Variants in STMN4 observed in about 807,000 individuals in gnomAD.
The protein encoded by STMN4 is stathmin-4.
STMN4 carries 12 observed loss-of-function variants against 29.1 expected under a neutral mutation model. The observed-to-expected ratio is 0.41, with a 90% CI of 0.26 to 0.67. The LOEUF (loss-of-function observed/expected upper bound fraction) is 0.67. Ranked by LOEUF, STMN4 falls within the 30% of genes least tolerant of loss-of-function variation. STMN4 has a pLI of 0.30. For synonymous variants in STMN4, 114 were observed against 105.3 expected (o/e 1.08, Z -0.51); for missense variants, 181 against 262.8 (o/e 0.69, Z 2.15).
intron 4 of STMN4, 28 bp from the exon 5 acceptor site, chr8:27,241,290 A>C: frequency 1.9e-6 from 3 of 1,613,540 alleles, no homozygotes; most frequent in Non-Finnish European, 1.7e-6. Context: ...GGGGCTGCTC[A>C]CGTCCTGAAG....
At chr8:27,253,731 A>AT (rs371945464) in intron 1 of STMN4, among the ~76,000 whole-genome samples, 9,271 of 147,728 alleles carry the variant, frequency 0.063, 389 homozygotes, top group Non-Finnish European at 0.092. Flanking sequence ...CTTTAATTTG[A>AT]TTTTTTTTTT....
chr8:27,241,541 A>T, intron 4 of STMN4, 136 bp downstream of exon 4: 1 of 1,137,546 alleles, frequency 8.8e-7, no homozygotes, highest in Non-Finnish European at 1.3e-6. Context: ...TTCCCCCACC[A>T]GCCTCCTCTG....
chr8:27,239,376 A>G, intron 6 of STMN4: 1 of 1,380,390 alleles, frequency 7.2e-7, no homozygotes, highest in Non-Finnish European at 9.8e-7. Flanking sequence ...TGTTCTCAGC[A>G]GAACGGGCCG....
Position 27,255,344 on chromosome 8 carries a change from C to A in STMN4, c.-79+3007G>T, listed in dbSNP as rs910066597. Among the ~76,000 whole-genome samples, 13 of 152,288 alleles carry A rather than the reference C, an allele frequency of 8.5e-5. 1 individual carries two copies. Among genetic ancestry groups the A allele is most frequent in the Admixed American group, 8.5e-4 (13 of 15,292 alleles). On this transcript the variant is annotated intron_variant, in intron 1 of 6. Transcript: ENST00000350889. Reference sequence around the variant, plus strand: ...CCACAAAAGCAGTTTCATTTCTCCCCATCTGTGTCTTCAAAATCTCCGGGA... The same window carrying A: ...CCACAAAAGCAGTTTCATTTCTCCCAATCTGTGTCTTCAAAATCTCCGGGA...
At chr8:27,241,780 G>A (rs781209033) in intron 3 of STMN4, 23 bp from the exon 4 acceptor site, 72 of 1,613,834 alleles carry the variant, frequency 4.5e-5, no homozygotes, top group Admixed American at 3.3e-5. Flanking sequence ...AACAACCTCA[G>A]GTCATCCGAG....
intron 2 of STMN4, among the ~76,000 whole-genome samples, chr8:27,243,090 A>G (rs955661258): frequency 2.0e-5 from 3 of 152,070 alleles, no homozygotes; most frequent in Non-Finnish European, 4.4e-5. Context: ...CCTCTAGTCT[A>G]TCTGTGTTTG....
chr8:27,242,302 A>C, intron 3 of STMN4, 95 bp downstream of exon 3: 9 of 1,206,184 alleles, frequency 7.5e-6, no homozygotes, highest in Non-Finnish European at 9.7e-6. Context: ...TCTCGGGAGG[A>C]GAGATTCACG....
chr8:27,249,397 C>A (rs944164361), intron 1 of STMN4, among the ~76,000 whole-genome samples: 1 of 152,174 alleles, frequency 6.6e-6, no homozygotes, highest in African/African-American at 2.4e-5. Context: ...ATGCTACAGG[C>A]ATTTAGTGGG....
At chr8:27,255,365 C>T (rs961500969) in intron 1 of STMN4, among the ~76,000 whole-genome samples, 5 of 152,136 alleles carry the variant, frequency 3.3e-5, no homozygotes, top group Non-Finnish European at 2.9e-5. Flanking sequence ...TCAAAATCTC[C>T]GGGAACTCTA....
chr8:27,242,547 G>C, intron 2 of STMN4, 55 bp from the exon 3 acceptor site: 1 of 1,576,206 alleles, frequency 6.3e-7, no homozygotes, highest in Non-Finnish European at 8.7e-7. Context: ...TCAGAAGTCA[G>C]CGTCCTCACG....
chr8:27,239,908 T>A, intron 6 of STMN4, 63 bp downstream of exon 6: 1 of 1,613,116 alleles, frequency 6.2e-7, no homozygotes, highest in South Asian at 1.1e-5. Context: ...GGTCCCCGCA[T>A]ACTTGCTGCA....
At chr8:27,240,927 C>A (rs1266286690) in intron 5 of STMN4, 127 bp downstream of exon 5, 3 of 925,866 alleles carry the variant, frequency 3.2e-6, no homozygotes, top group East Asian at 5.2e-5. Flanking sequence ...ACCGCACACT[C>A]GGGAGATGCT....
intron 6 of STMN4, chr8:27,239,111 G>T: frequency 7.9e-7 from 1 of 1,265,836 alleles, no homozygotes; most frequent in Non-Finnish European, 1.1e-6. Context: ...CCAGCTCCAG[G>T]GCCTACGCAA....
At chr8:27,238,431 GACCTCACACC>G (rs1801371497) in intron 6 of STMN4, among the ~76,000 whole-genome samples, 2 of 152,204 alleles carry the variant, frequency 1.3e-5, no homozygotes, top group Admixed American at 6.5e-5. Flanking sequence ...TGTCTGCTCT[GACCTCACACC>G]TCTTTGAGTC....
rs919978188 is a variant in STMN4 at position 27,247,516 on chromosome 8, G to A, written c.-78-3715C>T. On this transcript the variant is annotated intron_variant, in intron 1 of 6. Coordinates refer to ENST00000350889, the MANE Select transcript of STMN4 (RefSeq NM_030795.4). Reference sequence around the variant, plus strand: ...ATCCCTAATAACCTGTGGCATCTGCGCCCAGTGGGGCCAGTCACATGTCCC... The same window carrying A: ...ATCCCTAATAACCTGTGGCATCTGCACCCAGTGGGGCCAGTCACATGTCCC... Among the ~76,000 whole-genome samples the A allele has an allele frequency of 3.9e-5, 6 of 152,298 alleles. No individual in the cohort carries two copies. In the South Asian group the frequency reaches 6.2e-4, roughly 16 times the overall value.
chr8:27,250,423 G>C (rs1001512393), intron 1 of STMN4, among the ~76,000 whole-genome samples: 92 of 152,342 alleles, frequency 6.0e-4, no homozygotes, highest in African/African-American at 2.2e-3. Context: ...AACCACAGGA[G>C]TTTTTGTTGG....
intron 6 of STMN4, 101 bp downstream of exon 6, chr8:27,239,870 G>A: frequency 6.3e-7 from 1 of 1,590,674 alleles, no homozygotes; most frequent in Non-Finnish European, 8.6e-7. Flanking sequence ...TTTTGCCTGA[G>A]GCTGCTTCCT....
At chr8:27,255,007 C>T (rs527638148) in intron 1 of STMN4, among the ~76,000 whole-genome samples, 5 of 151,374 alleles carry the variant, frequency 3.3e-5, no homozygotes, top group South Asian at 4.2e-4. Context: ...GTGGGAAGGG[C>T]GCAGGTGTGC....
chr8:27,255,152 C>T (rs1049673101), intron 1 of STMN4, among the ~76,000 whole-genome samples: 1 of 152,136 alleles, frequency 6.6e-6, no homozygotes, highest in African/African-American at 2.4e-5. Flanking sequence ...CTTTCCCAGG[C>T]TGTCACATCT....
Sources: gnomAD v4.1 joint callset for allele counts (sites outside exome capture counted in the v4.1 genomes callset) on GRCh38, gnomAD v4.1.1 for gene constraint, MANE v1.5 for transcripts, NCBI Gene and HGNC (gene_info 2026-07-23, HGNC 2026-07-21) for gene names.